OPRM1: variants seen among roughly 807,000 people sequenced by gnomAD.
The protein encoded by OPRM1 is mu-type opioid receptor.
OPRM1 carries 27 observed loss-of-function variants against 31.8 expected under a neutral mutation model. The ratio of observed to expected loss-of-function variants is 0.85; its 90% CI spans 0.63 to 1.17. The LOEUF (loss-of-function observed/expected upper bound fraction) is 1.17, where lower values mean the gene tolerates loss of function less well. Among genes scored for constraint, OPRM1 ranks in the 50% most tolerant of loss-of-function variants. The pLI is 0.00. For synonymous variants in OPRM1, 196 were observed against 189.9 expected, an observed-to-expected ratio of 1.03 and a Z score of -0.26; for missense variants, 536 against 511.1, an observed-to-expected ratio of 1.05 and a Z score of -0.47.
chr6:154,099,464 GAAAGAAAA>G (rs1200375223), intron 3 of OPRM1, among the ~76,000 whole-genome samples: 4 of 143,238 alleles, frequency 2.8e-5, no homozygotes, highest in Admixed American at 7.3e-5. Context: ...GAGAAAGAAA[GAAAGAAAA>G]AGAAAGAAAG....
intron 3 of OPRM1, among the ~76,000 whole-genome samples, chr6:154,228,417 T>C (rs1315533564): frequency 6.6e-6 from 1 of 152,190 alleles, no homozygotes; most frequent in Non-Finnish European, 1.5e-5. Flanking sequence ...AACCCATCGT[T>C]TGGCCATTGT....
At chr6:154,037,246 G>A (rs1779359725), upstream of OPRM1, among the ~76,000 whole-genome samples, 1 of 151,820 alleles carries the variant, frequency 6.6e-6, no homozygotes, top group African/African-American at 2.4e-5. Flanking sequence ...ACAGCACCTG[G>A]TCCAAAGCAG....
intron 1 of OPRM1, chr6:154,087,690 C>A: frequency 3.0e-6 from 2 of 656,770 alleles, no homozygotes; most frequent in Non-Finnish European, 3.8e-6. Flanking sequence ...TGGCCCCGGT[C>A]ACTAAACGTC....
chr6:154,108,728 ACTC>A, intron 3 of OPRM1: 1 of 954,666 alleles, frequency 1.0e-6, no homozygotes, highest in Non-Finnish European at 1.2e-6. Flanking sequence ...CTTAGAAGAG[ACTC>A]TAACCATCCT....
rs533035671 is a variant in OPRM1, at chr6:154,127,631, T to C, written c.*8910T>C. ...GGCTACAACCCTCCCCACCCCTCGCTTTCACTAAATAACAACTCTCTTCTC... is the reference window on the plus strand; with the variant it reads ...GGCTACAACCCTCCCCACCCCTCGCCTTCACTAAATAACAACTCTCTTCTC... On this transcript the variant is annotated 3_prime_UTR_variant, in exon 4 of 4. Coordinates refer to ENST00000330432, the MANE Select transcript of OPRM1 (RefSeq NM_000914.5). Among the ~76,000 whole-genome samples, 1 of 152,266 alleles carries C rather than the reference T, an allele frequency of 6.6e-6. No homozygotes were observed. Among genetic ancestry groups the C allele is most frequent in the African/African-American group, 2.4e-5 (1 of 41,570 alleles).
chr6:154,226,840 A>G (rs377562084), intron 3 of OPRM1, among the ~76,000 whole-genome samples: 3 of 152,038 alleles, frequency 2.0e-5, no homozygotes, highest in East Asian at 1.9e-4. Context: ...TAGTTCCACA[A>G]TTTCATCTCT....
intron 3 of OPRM1, among the ~76,000 whole-genome samples, chr6:154,195,555 CA>C (rs2128586800): frequency 6.6e-6 from 1 of 152,224 alleles, no homozygotes; most frequent in African/African-American, 2.4e-5. Context: ...CAACCTCAAC[CA>C]AATGTCCTTT....
chr6:154,103,599 A>C (rs746900728), intron 3 of OPRM1, among the ~76,000 whole-genome samples: 1 of 152,204 alleles, frequency 6.6e-6, no homozygotes, highest in Non-Finnish European at 1.5e-5. Context: ...TAAGAAAGTA[A>C]AGAAATAAAA....
chr6:154,022,657 A>G (rs1381291798), intron 1 of OPRM1, among the ~76,000 whole-genome samples: 2 of 152,180 alleles, frequency 1.3e-5, no homozygotes, highest in South Asian at 2.1e-4. Context: ...AGTTTCCCCA[A>G]TGTTTTCTGG....
chr6:154,140,117 T>G (rs797011229), intron 3 of OPRM1, among the ~76,000 whole-genome samples: 18 of 152,154 alleles, frequency 1.2e-4, no homozygotes, highest in African/African-American at 3.6e-4. Context: ...CAATTAACAA[T>G]TACCAGCATT....
At chr6:154,203,642 T>C (rs1488543965) in intron 3 of OPRM1, among the ~76,000 whole-genome samples, 2 of 152,162 alleles carry the variant, frequency 1.3e-5, no homozygotes, top group East Asian at 1.9e-4. Context: ...ATGGGGTTCC[T>C]GGAACTAAAC....
rs1351849928 is a variant in OPRM1, at chr6:154,121,846, G to A, written c.*3125G>A. 6.6e-5 allele frequency among the ~76,000 whole-genome samples: 10 copies of A among 152,082 alleles called. No homozygotes were observed. The South Asian group carries it at 1.2e-3, about 19-fold the overall frequency. On this transcript the variant is annotated 3_prime_UTR_variant, in exon 4 of 4. Coordinates refer to ENST00000330432, the MANE Select transcript of OPRM1 (RefSeq NM_000914.5). The stretch of plus-strand genomic sequence containing the variant: ...TTACTTAAGTCAAGTCTATTTATAC[G>A]TTTAAAAGCTAAAAACAAGATCTTT...
At position 154,124,221 on chromosome 6, in the gene OPRM1, A is replaced by T. The variant is rs1390216856; in HGVS notation, c.*5500A>T. Among the ~76,000 whole-genome samples the T allele has an allele frequency of 6.6e-6, 1 of 152,224 alleles. No homozygotes were observed. ...AATTTTAAGAGCTCGGAAATCATTA[A>T]AATTAAGTTTATCAATTTTTGAAAG... On this transcript the variant is annotated 3_prime_UTR_variant, in exon 4 of 4. Transcript: ENST00000330432.
intron 3 of OPRM1, chr6:154,223,172 C>T (rs760874080): frequency 1.9e-6 from 3 of 1,612,754 alleles, no homozygotes; most frequent in African/African-American, 1.3e-5. Context: ...CAACTTACTG[C>T]TTTTTCTTGC....
intron 3 of OPRM1, among the ~76,000 whole-genome samples, chr6:154,114,041 C>T (rs1562485249): frequency 6.6e-6 from 1 of 152,140 alleles, no homozygotes; most frequent in African/African-American, 2.4e-5. Context: ...AGGTGGTCTG[C>T]TGCAACAGCC....
At chr6:154,189,757 T>C (rs1249207077) in intron 3 of OPRM1, among the ~76,000 whole-genome samples, 1 of 151,832 alleles carries the variant, frequency 6.6e-6, no homozygotes, top group Non-Finnish European at 1.5e-5. Context: ...TCACCTGAGG[T>C]CAGGAGTTTG....
intron 3 of OPRM1, among the ~76,000 whole-genome samples, chr6:154,137,504 A>T (rs1798088060): frequency 6.6e-6 from 1 of 152,156 alleles, no homozygotes; most frequent in Non-Finnish European, 1.5e-5. Flanking sequence ...TATTTAACAG[A>T]ATAAAGTTAA....
chr6:154,105,071 CA>C (rs1158272381), intron 3 of OPRM1, among the ~76,000 whole-genome samples: 7 of 152,204 alleles, frequency 4.6e-5, no homozygotes, highest in Non-Finnish European at 1.0e-4. Context: ...CACACCATTC[CA>C]GTCAAAGCCT....
intron 1 of OPRM1, among the ~76,000 whole-genome samples, chr6:154,026,020 A>C (rs1778675448): frequency 6.6e-6 from 1 of 152,084 alleles, no homozygotes. Context: ...CTGTGTACTT[A>C]CTATCACCAG....
Sources: gnomAD v4.1 joint callset for allele counts (sites outside exome capture counted in the v4.1 genomes callset) on GRCh38, gnomAD v4.1.1 for gene constraint, MANE v1.5 for transcripts, NCBI Gene and HGNC (gene_info 2026-07-23, HGNC 2026-07-21) for gene names.